The following LDLRAD3 variants were observed in gnomAD, a reference collection of about 807,000 sequenced individuals.
LDLRAD3 encodes the protein low density lipoprotein receptor class A domain containing 3.
A neutral mutation model predicts 29.4 loss-of-function variants in LDLRAD3; 20 were observed. The ratio of observed to expected loss-of-function variants is 0.68; its 90% CI spans 0.48 to 0.99. The LOEUF (loss-of-function observed/expected upper bound fraction) is 0.99. Among genes scored for constraint, LDLRAD3 ranks in the 50% least tolerant of loss-of-function variants. The pLI is 0.00. For synonymous variants in LDLRAD3, 157 were observed against 192.7 expected (o/e 0.81, Z 1.53); for missense variants, 420 against 454.3 (o/e 0.92, Z 0.69).
chr11:36,142,084 C>G, intron 4 of LDLRAD3, among the ~76,000 whole-genome samples: 1 of 152,172 alleles, frequency 6.6e-6, no homozygotes, highest in South Asian at 2.1e-4. Flanking sequence ...AGTCGCCTCC[C>G]CCTTCTTCAC....
Position 36,164,305 on chromosome 11 carries a change from G to A in LDLRAD3, c.455-62780G>A, listed in dbSNP as rs1854485531. Among the ~76,000 whole-genome samples the A allele has an allele frequency of 2.0e-5, 3 of 152,206 alleles. 1 individual carries two copies. The East Asian group carries it at 5.8e-4, about 29-fold the overall frequency. On this transcript the variant is annotated intron_variant, in intron 4 of 5. Transcript: ENST00000315571. The stretch of plus-strand genomic sequence containing the variant: ...TTTCACCTATTTAAAATACCCAAGT[G>A]TTGCTTTATTTAAAATTGAACAAGA...
chr11:36,109,554 C>T (rs140645994), intron 4 of LDLRAD3, among the ~76,000 whole-genome samples: 3 of 152,202 alleles, frequency 2.0e-5, no homozygotes, highest in Admixed American at 2.0e-4. Context: ...CTGCTCCAGG[C>T]CCCCCACTAG....
At chr11:36,097,512 C>A (rs1590264514) in intron 3 of LDLRAD3, among the ~76,000 whole-genome samples, 1 of 152,314 alleles carries the variant, frequency 6.6e-6, no homozygotes, top group Non-Finnish European at 1.5e-5. Context: ...TCAGTGGCTG[C>A]TGGCCAGCCT....
At chr11:36,092,779 A>C (rs1853302779) in intron 3 of LDLRAD3, among the ~76,000 whole-genome samples, 1 of 152,266 alleles carries the variant, frequency 6.6e-6, no homozygotes, top group South Asian at 2.1e-4. Context: ...GAGAAGCCAT[A>C]GACCCTGAGA....
chr11:36,040,958 T>C (rs920156279), intron 2 of LDLRAD3, among the ~76,000 whole-genome samples: 5 of 152,180 alleles, frequency 3.3e-5, no homozygotes, highest in Admixed American at 6.5e-5. Context: ...TAGTTTTATT[T>C]CTTTGTGAGA....
At chr11:35,962,551 C>T (rs1333218829) in intron 1 of LDLRAD3, among the ~76,000 whole-genome samples, 2 of 152,132 alleles carry the variant, frequency 1.3e-5, no homozygotes, top group East Asian at 1.9e-4. Context: ...CTGGGAGGCT[C>T]ATTAAGTTTC....
intron 4 of LDLRAD3, among the ~76,000 whole-genome samples, chr11:36,221,310 A>G (rs923800616): frequency 6.6e-6 from 1 of 151,478 alleles, no homozygotes; most frequent in Non-Finnish European, 1.5e-5. Flanking sequence ...AAGATCGTGC[A>G]GTAGCCAAGA....
intron 1 of LDLRAD3, among the ~76,000 whole-genome samples, chr11:36,028,183 T>A (rs1428214505): frequency 6.6e-6 from 1 of 152,238 alleles, no homozygotes; most frequent in African/African-American, 2.4e-5. Context: ...CAACTCCTGT[T>A]TAGATAAATT....
chr11:36,149,772 A>G (rs967963596), intron 4 of LDLRAD3, among the ~76,000 whole-genome samples: 3 of 152,142 alleles, frequency 2.0e-5, no homozygotes, highest in Admixed American at 6.5e-5. Flanking sequence ...GAGCTTCCAG[A>G]AGTGCTGGGG....
chr11:35,989,982 A>T (rs1851667120), intron 1 of LDLRAD3, among the ~76,000 whole-genome samples: 1 of 152,116 alleles, frequency 6.6e-6, no homozygotes, highest in African/African-American at 2.4e-5. Context: ...CACAATGGCA[A>T]TATTTGGTGC....
intron 4 of LDLRAD3, among the ~76,000 whole-genome samples, chr11:36,134,341 A>G (rs1227696582): frequency 6.6e-6 from 1 of 152,214 alleles, no homozygotes; most frequent in Non-Finnish European, 1.5e-5. Flanking sequence ...AATAAGCACT[A>G]ATGATATTAA....
intron 1 of LDLRAD3, among the ~76,000 whole-genome samples, chr11:36,009,379 A>G (rs545630075): frequency 5.8e-4 from 88 of 152,308 alleles, no homozygotes; most frequent in African/African-American, 2.1e-3. Context: ...CTCCCTTTGC[A>G]GGATCTGGTT....
intron 4 of LDLRAD3, among the ~76,000 whole-genome samples, chr11:36,157,344 A>G (rs942330496): frequency 3.9e-5 from 6 of 152,226 alleles, no homozygotes; most frequent in Non-Finnish European, 4.4e-5. Context: ...CCTCTGGGGG[A>G]TGCCAGACAA....
At chr11:35,980,136 C>T (rs1476876852) in intron 1 of LDLRAD3, among the ~76,000 whole-genome samples, 1 of 152,246 alleles carries the variant, frequency 6.6e-6, no homozygotes, top group South Asian at 2.1e-4. Flanking sequence ...TTGCATAATG[C>T]TGATTATCCA....
At chr11:36,203,510 G>A (rs1402876023) in intron 4 of LDLRAD3, among the ~76,000 whole-genome samples, 1 of 152,048 alleles carries the variant, frequency 6.6e-6, no homozygotes, top group African/African-American at 2.4e-5. Flanking sequence ...ATGTCCATGG[G>A]CACCCATCCA....
At chr11:36,097,517 C>T (rs186363896) in intron 3 of LDLRAD3, among the ~76,000 whole-genome samples, 67 of 152,286 alleles carry the variant, frequency 4.4e-4, no homozygotes, top group African/African-American at 1.5e-3. Context: ...GGCTGCTGGC[C>T]AGCCTTCGGG....
At chr11:36,073,153 A>G (rs981282084) in intron 2 of LDLRAD3, among the ~76,000 whole-genome samples, 30 of 152,112 alleles carry the variant, frequency 2.0e-4, no homozygotes, top group Non-Finnish European at 4.4e-5. Flanking sequence ...CTCCACTCTC[A>G]TCTACTTTTT....
intron 2 of LDLRAD3, among the ~76,000 whole-genome samples, chr11:36,061,931 AG>A (rs1852706709): frequency 6.6e-6 from 1 of 152,130 alleles, no homozygotes; most frequent in African/African-American, 2.4e-5. Flanking sequence ...CCCTATTTTT[AG>A]GTGACCCAGT....
intron 4 of LDLRAD3, among the ~76,000 whole-genome samples, chr11:36,225,518 C>A (rs1263850166): frequency 6.6e-6 from 1 of 152,100 alleles, no homozygotes; most frequent in East Asian, 1.9e-4. Flanking sequence ...TGTACCAGAC[C>A]TTCACCCTGG....
Sources: gnomAD v4.1 joint callset for allele counts (sites outside exome capture counted in the v4.1 genomes callset) on GRCh38, gnomAD v4.1.1 for gene constraint, MANE v1.5 for transcripts, NCBI Gene and HGNC (gene_info 2026-07-23, HGNC 2026-07-21) for gene names.